Variants in CNTNAP5 observed in about 807,000 individuals in gnomAD.
CNTNAP5 encodes contactin-associated protein-like 5.
Under a neutral mutation model 150.2 loss-of-function variants are expected in CNTNAP5, and 72 were observed. That is an observed-to-expected ratio of 0.48 (90% CI 0.40 to 0.58). The LOEUF (loss-of-function observed/expected upper bound fraction) is 0.58, where lower values mean the gene tolerates loss of function less well. CNTNAP5 is among the 20% of genes least tolerant of loss of function. The probability of loss-of-function intolerance (pLI) is 0.00; values close to 1 mark genes in which losing one functional copy is unlikely to be tolerated. For synonymous variants in CNTNAP5, 672 were observed against 619.8 expected (o/e 1.08, Z -1.25); for missense variants, 1,636 against 1,626.2 (o/e 1.01, Z -0.10).
At chr2:124,425,763 G>C (rs1216423069) in intron 4 of CNTNAP5, among the ~76,000 whole-genome samples, 1 of 152,204 alleles carries the variant, frequency 6.6e-6, no homozygotes, top group South Asian at 2.1e-4. Flanking sequence ...TGATGCATTT[G>C]CTATGTCGCT....
chr2:124,442,154 C>T (rs993234444), intron 5 of CNTNAP5, among the ~76,000 whole-genome samples: 4 of 151,794 alleles, frequency 2.6e-5, no homozygotes, highest in Non-Finnish European at 5.9e-5. Flanking sequence ...AAGTTAAGAC[C>T]CAGGAGAGAA....
intron 6 of CNTNAP5, among the ~76,000 whole-genome samples, chr2:124,473,680 T>C (rs867416106): frequency 1.4e-4 from 22 of 151,972 alleles, no homozygotes; most frequent in African/African-American, 5.3e-4. Flanking sequence ...AATATAGATA[T>C]AGTTGAAGTA....
intron 11 of CNTNAP5, among the ~76,000 whole-genome samples, chr2:124,596,019 T>C (rs1328288628): frequency 5.1e-4 from 55 of 107,930 alleles, no homozygotes; most frequent in African/African-American, 2.0e-3. Context: ...TCTATTTGAT[T>C]CTTCTCTCTT....
At chr2:124,720,894 C>A (rs1441567434) in intron 13 of CNTNAP5, among the ~76,000 whole-genome samples, 1 of 152,042 alleles carries the variant, frequency 6.6e-6, no homozygotes, top group Non-Finnish European at 1.5e-5. Flanking sequence ...TAATTTATGG[C>A]CCCTTAATTT....
chr2:124,897,894 T>C (rs757790445), intron 21 of CNTNAP5, among the ~76,000 whole-genome samples: 11 of 150,574 alleles, frequency 7.3e-5, no homozygotes, highest in Admixed American at 2.6e-4. Context: ...GACATACAAA[T>C]GAGCATACTA....
chr2:124,260,302 C>A (rs552545560), intron 3 of CNTNAP5, among the ~76,000 whole-genome samples: 15 of 152,316 alleles, frequency 9.8e-5, no homozygotes, highest in African/African-American at 3.4e-4. Context: ...GCTGGGAAAA[C>A]TGACTAACCA....
chr2:124,832,534 A>G (rs985688408), intron 19 of CNTNAP5, among the ~76,000 whole-genome samples: 1 of 152,150 alleles, frequency 6.6e-6, no homozygotes, highest in South Asian at 2.1e-4. Context: ...TATTTGACCC[A>G]ATAGGTAATC....
In CNTNAP5 at chr2:124,511,976, T is replaced by C. The variant is rs549216351; in HGVS notation, c.1327+7420T>C. On this transcript the variant is annotated intron_variant, in intron 8 of 23. Coordinates refer to ENST00000682447, the MANE Select transcript of CNTNAP5 (RefSeq NM_001367498.1). ...CCTTAAATGTGTATATGTGTGTGTG[T>C]GCGCACATCTATGTTGGTAGGAGGG... Among the ~76,000 whole-genome samples, 7 of 151,382 alleles carry C rather than the reference T, an allele frequency of 4.6e-5. No individual in the cohort carries two copies. The East Asian group carries it at 1.4e-3, about 30-fold the overall frequency.
Position 124,572,440 on chromosome 2 carries a change from C to T in CNTNAP5, c.1756+9117C>T, listed in dbSNP as rs559706951. ...CGTGTTTACCTATGGAACAAACCTG[C>T]ATGTGTACCCCCAAACCGAAAATAA... On this transcript the variant is annotated intron_variant, in intron 11 of 23. Coordinates refer to ENST00000682447, the MANE Select transcript of CNTNAP5 (RefSeq NM_001367498.1). 1.2e-3 allele frequency among the ~76,000 whole-genome samples: 177 copies of T among 152,206 alleles called. 3 individuals carry two copies. Among genetic ancestry groups the T allele is most frequent in the African/African-American group, 4.0e-3 (166 of 41,518 alleles).
intron 1 of CNTNAP5, among the ~76,000 whole-genome samples, chr2:124,199,124 T>C (rs1472220536): frequency 6.6e-6 from 1 of 152,182 alleles, no homozygotes; most frequent in Non-Finnish European, 1.5e-5. Flanking sequence ...TTGCATATTC[T>C]TGGGTCTTTC....
chr2:124,910,530 G>A (rs1165619536), intron 22 of CNTNAP5, among the ~76,000 whole-genome samples: 1 of 151,952 alleles, frequency 6.6e-6, no homozygotes, highest in East Asian at 2.0e-4. Context: ...TTCTGTTGCT[G>A]CCTGCACATC....
At chr2:124,123,479 A>G (rs1235105842) in intron 1 of CNTNAP5, among the ~76,000 whole-genome samples, 1 of 152,180 alleles carries the variant, frequency 6.6e-6, no homozygotes, top group East Asian at 1.9e-4. Context: ...CTCTGGGGAC[A>G]GGGCATAGTT....
intron 1 of CNTNAP5, among the ~76,000 whole-genome samples, chr2:124,163,759 T>A (rs1684743448): frequency 6.6e-6 from 1 of 152,162 alleles, no homozygotes; most frequent in Non-Finnish European, 1.5e-5. Flanking sequence ...TTTCATTTCT[T>A]TCAAGTTAAG....
chr2:124,172,897 T>C (rs1416017584), intron 1 of CNTNAP5, among the ~76,000 whole-genome samples: 1 of 152,146 alleles, frequency 6.6e-6, no homozygotes, highest in African/African-American at 2.4e-5. Context: ...TTTGAAGATA[T>C]TATACTTTTT....
chr2:124,375,790 A>T (rs1013949935), intron 3 of CNTNAP5, among the ~76,000 whole-genome samples: 2 of 152,102 alleles, frequency 1.3e-5, no homozygotes, highest in Non-Finnish European at 2.9e-5. Context: ...TTCCAAAAAA[A>T]AGTTAAAAAA....
chr2:124,764,217 A>G (rs964415073), intron 16 of CNTNAP5, 70 bp downstream of exon 16: 1 of 1,235,942 alleles, frequency 8.1e-7, no homozygotes, highest in Non-Finnish European at 1.2e-6. Context: ...TTTTGCCACC[A>G]GTCACTAGTG....
intron 13 of CNTNAP5, among the ~76,000 whole-genome samples, chr2:124,688,438 G>A (rs1242086422): frequency 6.6e-6 from 1 of 151,994 alleles, no homozygotes; most frequent in Admixed American, 6.6e-5. Flanking sequence ...GCTAAAGGGG[G>A]CAAAATTCAG....
chr2:124,207,685 G>A (rs1297341997), intron 1 of CNTNAP5, among the ~76,000 whole-genome samples: 2 of 152,128 alleles, frequency 1.3e-5, no homozygotes, highest in East Asian at 1.9e-4. Context: ...TTTCCGGTAT[G>A]TCTTTTCTCA....
intron 1 of CNTNAP5, among the ~76,000 whole-genome samples, chr2:124,037,824 A>T (rs1408609955): frequency 6.6e-6 from 1 of 152,216 alleles, no homozygotes; most frequent in Non-Finnish European, 1.5e-5. Context: ...TGAGAGTAAG[A>T]TTTAAATATT....
Sources: allele counts gnomAD v4.1 joint callset (sites outside exome capture counted in the v4.1 genomes callset), GRCh38; gene constraint gnomAD v4.1.1; transcripts MANE v1.5; gene names NCBI Gene and HGNC (gene_info 2026-07-23, HGNC 2026-07-21).